POSTN: variants seen among roughly 807,000 people sequenced by gnomAD.
The protein encoded by POSTN is periostin.
POSTN carries 71 observed loss-of-function variants against 104.5 expected under a neutral mutation model. The observed-to-expected ratio is 0.68, with a 90% CI of 0.56 to 0.83. POSTN has a LOEUF of 0.83. POSTN is among the 40% of genes least tolerant of loss of function. The probability of loss-of-function intolerance (pLI) is 0.00; values close to 1 mark genes in which losing one functional copy is unlikely to be tolerated. For missense variants in POSTN, 949 were observed against 1,006.8 expected (o/e 0.94, Z 0.78); for synonymous variants, 355 against 340.7 (o/e 1.04, Z -0.46).
intron 10 of POSTN, among the ~76,000 whole-genome samples, chr13:37,582,061 A>G (rs1234225263): frequency 1.3e-5 from 2 of 152,182 alleles, no homozygotes; most frequent in Non-Finnish European, 1.5e-5. Flanking sequence ...ATTGTAAAGT[A>G]CTCTGCAAAG....
At chr13:37,575,946 C>G (rs1247271949) in intron 16 of POSTN, among the ~76,000 whole-genome samples, 1 of 152,102 alleles carries the variant, frequency 6.6e-6, no homozygotes. Context: ...TTGCTGCTAT[C>G]AAAATGGACT....
At chr13:37,583,561 A>G (rs940617147) in intron 9 of POSTN, among the ~76,000 whole-genome samples, 1 of 146,022 alleles carries the variant, frequency 6.8e-6, no homozygotes, top group African/African-American at 2.5e-5. Context: ...AGTAGCTGGG[A>G]TTACAGGAGT....
chr13:37,593,458 C>T (rs1951001286), intron 2 of POSTN, among the ~76,000 whole-genome samples: 1 of 151,080 alleles, frequency 6.6e-6, no homozygotes, highest in Non-Finnish European at 1.5e-5. Context: ...GGTACATGTA[C>T]CAAACAATTA....
chr13:37,569,702 G>A (rs200649337), intron 20 of POSTN, 42 bp downstream of exon 20: 1 of 1,340,998 alleles, frequency 7.5e-7, no homozygotes, highest in Non-Finnish European at 1.1e-6. Flanking sequence ...TATATGGATA[G>A]CTTAGGTAAA....
chr13:37,570,365 A>C (rs1950228273), intron 19 of POSTN, among the ~76,000 whole-genome samples: 1 of 151,822 alleles, frequency 6.6e-6, no homozygotes, highest in South Asian at 2.1e-4. Flanking sequence ...ACATGTAATA[A>C]AAACAAATGC....
In POSTN at chr13:37,592,050, CCTTT is replaced by C. The variant is rs745820762; in HGVS notation, c.283+46_283+49del. 12 of 1,356,926 alleles carry C rather than the reference CCTTT, an allele frequency of 8.8e-6. No individual in the cohort carries two copies. The East Asian group carries it at 2.8e-4, about 31-fold the overall frequency. The allele number at this position is 1,356,926 out of a possible 1,614,324, so 84.1% of individuals were successfully genotyped here. A position where few individuals can be genotyped will look rare whatever the true frequency, so the allele number is the denominator to read the frequency against. On this transcript the variant is annotated intron_variant, in intron 3 of 22. Transcript: ENST00000379747. The stretch of plus-strand genomic sequence containing the variant: ...TGGCTTCTCCACAAGCCACCTCAAC[CCTTT>C]CTTTGCATATAATTCCTTATTTAAT...
chr13:37,576,897 G>A (rs555860274), intron 16 of POSTN, among the ~76,000 whole-genome samples: 27 of 151,886 alleles, frequency 1.8e-4, no homozygotes, highest in African/African-American at 5.8e-4. Context: ...TAAATCTTAA[G>A]GGAAATTTTC....
intron 11 of POSTN, among the ~76,000 whole-genome samples, chr13:37,580,326 T>A (rs1201407516): frequency 6.6e-6 from 1 of 152,164 alleles, no homozygotes; most frequent in Non-Finnish European, 1.5e-5. Context: ...ATAAGAAAAA[T>A]GTCAAGAAGT....
At chr13:37,584,602 A>G in intron 8 of POSTN, 114 bp downstream of exon 8, 2 of 846,374 alleles carry the variant, frequency 2.4e-6, no homozygotes, top group Non-Finnish European at 1.8e-6. Flanking sequence ...AGTGCTTTGC[A>G]TGCCATTCTT....
chr13:37,563,288 A>T lies in POSTN; in HGVS notation c.*45T>A, dbSNP rs746777477. 1 of 1,414,702 alleles carries T rather than the reference A, an allele frequency of 7.1e-7. No homozygotes were observed. The highest frequency in any genetic ancestry group is 1.3e-5 in the South Asian group (1 of 75,512). The allele number at this position is 1,414,702 out of a possible 1,614,324, so 87.6% of individuals were successfully genotyped here. ...TCTCACAATTTTCTAAGGTCAGGTT[A>T]TTGACTTAGGGTTGTATAAACATTT... On this transcript the variant is annotated 3_prime_UTR_variant, in exon 23 of 23. Coordinates refer to ENST00000379747, the MANE Select transcript of POSTN (RefSeq NM_006475.3).
At chr13:37,564,610 T>C (rs921061213) in intron 21 of POSTN, 50 bp from the exon 22 acceptor site, 1 of 1,076,338 alleles carries the variant, frequency 9.3e-7, no homozygotes, top group African/African-American at 1.6e-5. Flanking sequence ...ATGGCTAAAA[T>C]CAGACAGGAG....
At chr13:37,575,872 C>A (rs941714520) in intron 16 of POSTN, among the ~76,000 whole-genome samples, 1 of 152,144 alleles carries the variant, frequency 6.6e-6, no homozygotes, top group African/African-American at 2.4e-5. Flanking sequence ...ACTAGTTCCA[C>A]AGGTGGTCTT....
At position 37,586,864 on chromosome 13, in the gene POSTN, T is replaced by C; in HGVS notation, c.671A>G (p.His224Arg). 3.7e-6 allele frequency: 6 copies of C among 1,612,912 alleles called. No individual in the cohort carries two copies. Among genetic ancestry groups the C allele is most frequent in the Non-Finnish European group, 5.1e-6 (6 of 1,179,010 alleles). ...TTGTGTAAGCACACGGTCAATGACA[T>C]GGACAACACCATTTGTTGCAATCTG... ...GNQIATNGVV[H>R]VIDRVLTQIG... The change falls in exon 6 of 23, where the codon CAT becomes CGT. Residue 224 changes from histidine to arginine, a missense_variant. Coordinates refer to ENST00000379747, the MANE Select transcript of POSTN (RefSeq NM_006475.3).
chr13:37,570,502 G>A, intron 19 of POSTN, 78 bp downstream of exon 19: 1 of 951,528 alleles, frequency 1.1e-6, no homozygotes, highest in South Asian at 1.6e-5. Context: ...TTTCTTTAAT[G>A]ATTCTTATAT....
chr13:37,580,052 G>GCATGTAATAGAATAGAATCCTACAA, intron 11 of POSTN, 61 bp from the exon 12 acceptor site: 2 of 1,476,022 alleles, frequency 1.4e-6, no homozygotes, highest in African/African-American at 2.8e-5. Flanking sequence ...TTCACCTACA[G>GCATGTAATAGAATAGAATCCTACAA]TGCATGTAAT....
At chr13:37,577,909 C>G in intron 15 of POSTN, 111 bp from the exon 16 acceptor site, 3 of 1,500,826 alleles carry the variant, frequency 2.0e-6, no homozygotes, top group Non-Finnish European at 2.7e-6. Context: ...TATTATTACA[C>G]TTAATAGAAG....
rs562239340 is a variant in POSTN, at chr13:37,597,212, A to G, written c.190T>C (p.Tyr64His). 28 of 1,576,256 alleles carry G rather than the reference A, an allele frequency of 1.8e-5. No individual in the cohort carries two copies. Among genetic ancestry groups the G allele is most frequent in the Middle Eastern group, 1.7e-4 (1 of 5,988 alleles). The change falls in exon 2 of 23, where the codon TAT (tyrosine) becomes CAT (histidine). Residue 64 changes from tyrosine (Y) to histidine (H), a missense_variant. Transcript: ENST00000379747. ...TTCTGTCCACAGATGGACTTTTTAT[A>G]CCAGTTCTTACAAGTGCTGAAGTAT... Reference protein sequence around the residue: ...KKYFSTCKNWYKKSICGQKTT... With the variant: ...KKYFSTCKNWHKKSICGQKTT...
intron 9 of POSTN, 53 bp from the exon 10 acceptor site, chr13:37,582,567 G>A: frequency 6.8e-7 from 1 of 1,469,358 alleles, no homozygotes; most frequent in Non-Finnish European, 9.2e-7. Context: ...AAACATTGAA[G>A]TTTCTCCCGG....
intron 2 of POSTN, among the ~76,000 whole-genome samples, chr13:37,593,534 TATC>T (rs1047145605): frequency 2.6e-5 from 4 of 151,408 alleles, no homozygotes; most frequent in African/African-American, 4.8e-5. Context: ...AATTGATAAA[TATC>T]ATGTCAAACA....
Sources: allele counts gnomAD v4.1 joint callset (sites outside exome capture counted in the v4.1 genomes callset), GRCh38; gene constraint gnomAD v4.1.1; transcripts MANE v1.5; gene names NCBI Gene and HGNC (gene_info 2026-07-23, HGNC 2026-07-21).